Variants in HIBADH observed in about 807,000 individuals in gnomAD.
HIBADH encodes the protein 3-hydroxyisobutyrate dehydrogenase, mitochondrial.
In HIBADH, 25 loss-of-function variants were observed where a neutral mutation model predicts 36.1. That is an observed-to-expected ratio of 0.69 (90% CI 0.50 to 0.97). The LOEUF (loss-of-function observed/expected upper bound fraction) is 0.97, where lower values mean the gene tolerates loss of function less well. Among genes scored for constraint, HIBADH ranks in the 50% least tolerant of loss-of-function variants. The probability of loss-of-function intolerance (pLI) is 0.00; values close to 1 mark genes in which losing one functional copy is unlikely to be tolerated. For synonymous variants in HIBADH, 160 were observed against 149.5 expected (o/e 1.07, Z -0.51); for missense variants, 421 against 418.0 (o/e 1.01, Z -0.06).
At chr7:27,547,676 A>C (rs1223664326) in intron 4 of HIBADH, among the ~76,000 whole-genome samples, 1 of 152,030 alleles carries the variant, frequency 6.6e-6, no homozygotes, top group African/African-American at 2.4e-5. Flanking sequence ...AATGCTGCTC[A>C]CCCTGTTTCT....
intron 2 of HIBADH, among the ~76,000 whole-genome samples, chr7:27,640,899 G>T (rs1785949267): frequency 6.6e-6 from 1 of 151,916 alleles, no homozygotes; most frequent in African/African-American, 2.4e-5. Flanking sequence ...TAATCCTATG[G>T]GACCACCTTT....
At chr7:27,628,270 T>C (rs1049155471) in intron 4 of HIBADH, among the ~76,000 whole-genome samples, 3 of 152,048 alleles carry the variant, frequency 2.0e-5, no homozygotes, top group African/African-American at 7.2e-5. Context: ...TATTCAAAAA[T>C]CATTTGGGAT....
chr7:27,590,820 T>C (rs1401453047), intron 4 of HIBADH, among the ~76,000 whole-genome samples: 1 of 152,232 alleles, frequency 6.6e-6, no homozygotes, highest in Non-Finnish European at 1.5e-5. Flanking sequence ...AGAAAAGCAC[T>C]TTCTTATACC....
At chr7:27,613,674 T>TTC (rs1785375180) in intron 4 of HIBADH, among the ~76,000 whole-genome samples, 1 of 151,468 alleles carries the variant, frequency 6.6e-6, no homozygotes, top group Admixed American at 6.6e-5. Context: ...TGTTTTTTTT[T>TTC]TTTGAGACAG....
chr7:27,643,698 T>C (rs749428549), intron 2 of HIBADH, among the ~76,000 whole-genome samples: 51 of 152,314 alleles, frequency 3.3e-4, no homozygotes, highest in African/African-American at 4.6e-4. Flanking sequence ...AACAGAAATT[T>C]ACTCTCTCAC....
chr7:27,560,097 G>A (rs1414351557), intron 4 of HIBADH, among the ~76,000 whole-genome samples: 2 of 152,138 alleles, frequency 1.3e-5, no homozygotes, highest in African/African-American at 4.8e-5. Context: ...GTAATATGAT[G>A]TTGCCATCAA....
chr7:27,546,594 C>A (rs1380489240), intron 4 of HIBADH, among the ~76,000 whole-genome samples: 1 of 152,040 alleles, frequency 6.6e-6, no homozygotes, highest in Non-Finnish European at 1.5e-5. Flanking sequence ...TGGCACAGGT[C>A]AAGAAGAACT....
chr7:27,577,075 AATT>A (rs78327590), intron 4 of HIBADH, among the ~76,000 whole-genome samples: 14,135 of 152,186 alleles, frequency 0.093, 915 homozygotes, highest in Non-Finnish European at 0.14. Flanking sequence ...TCATCTCTTA[AATT>A]TTTCTTAAAG....
Position 27,662,865 on chromosome 7 carries a change from G to C in HIBADH, c.-77C>G, listed in dbSNP as rs961961753. ...CACAGACTGCGAGCGTGTGCAGCGG[G>C]ACTGGCTGGCTCGCCCACGGAGAAG... is the stretch of plus-strand genomic sequence containing the variant. On this transcript the variant is annotated 5_prime_UTR_variant, in exon 1 of 8. Coordinates refer to ENST00000265395, the MANE Select transcript of HIBADH (RefSeq NM_152740.4). 1.6e-5 allele frequency: 19 copies of C among 1,187,708 alleles called. No individual in the cohort carries two copies. Among genetic ancestry groups the C allele is most frequent in the African/African-American group, 3.2e-5 (2 of 62,400 alleles). The allele number at this position is 1,187,708 out of a possible 1,614,324, so 73.6% of individuals were successfully genotyped here. A position where few individuals can be genotyped will look rare whatever the true frequency, so the allele number is the denominator to read the frequency against.
Position 27,599,449 on chromosome 7 carries a change from G to A in HIBADH, c.484+29922C>T, listed in dbSNP as rs1042326414. On this transcript the variant is annotated intron_variant, in intron 4 of 7. Coordinates refer to ENST00000265395, the MANE Select transcript of HIBADH (RefSeq NM_152740.4). ...TGTAATCCCAGCACTTTGGGAGGCC[G>A]AGGCGGGCTGATCACGAGGTCAGGA... Among the ~76,000 whole-genome samples the A allele has an allele frequency of 8.5e-5, 13 of 152,084 alleles. No individual in the cohort carries two copies. In the South Asian group the frequency reaches 1.0e-3, roughly 12 times the overall value.
At chr7:27,620,773 T>C (rs1785527027) in intron 4 of HIBADH, among the ~76,000 whole-genome samples, 1 of 151,270 alleles carries the variant, frequency 6.6e-6, no homozygotes, top group South Asian at 2.1e-4. Flanking sequence ...AATACAGAAA[T>C]CCACCATGCC....
intron 4 of HIBADH, among the ~76,000 whole-genome samples, chr7:27,619,671 T>C (rs973886223): frequency 6.6e-6 from 1 of 152,006 alleles, no homozygotes; most frequent in South Asian, 2.1e-4. Flanking sequence ...GGAGGAAATA[T>C]AAAATACATT....
intron 1 of HIBADH, among the ~76,000 whole-genome samples, chr7:27,656,272 T>A: frequency 6.6e-6 from 1 of 152,194 alleles, no homozygotes; most frequent in South Asian, 2.1e-4. Flanking sequence ...TATTAAATTC[T>A]GAACAACACA....
chr7:27,583,179 T>G (rs899366243), intron 4 of HIBADH, among the ~76,000 whole-genome samples: 1 of 152,096 alleles, frequency 6.6e-6, no homozygotes, highest in African/African-American at 2.4e-5. Context: ...TATTTTGACT[T>G]CAAGGGAAGC....
At chr7:27,602,392 C>T (rs1019637277) in intron 4 of HIBADH, among the ~76,000 whole-genome samples, 4 of 152,030 alleles carry the variant, frequency 2.6e-5, no homozygotes, top group South Asian at 4.1e-4. Context: ...CTTTCCACTC[C>T]GTTAAGACTA....
intron 4 of HIBADH, among the ~76,000 whole-genome samples, chr7:27,615,428 T>C (rs1785408681): frequency 6.6e-6 from 1 of 152,174 alleles, no homozygotes; most frequent in African/African-American, 2.4e-5. Flanking sequence ...GTAAGGTCCT[T>C]TCTAATAATA....
chr7:27,603,658 AAT>A (rs1304313670), intron 4 of HIBADH, among the ~76,000 whole-genome samples: 1 of 152,176 alleles, frequency 6.6e-6, no homozygotes, highest in African/African-American at 2.4e-5. Context: ...AAAAGAATTA[AAT>A]ATAACATCTT....
At chr7:27,592,179 G>A (rs781316431) in intron 4 of HIBADH, among the ~76,000 whole-genome samples, 10 of 152,150 alleles carry the variant, frequency 6.6e-5, no homozygotes, top group Non-Finnish European at 1.3e-4. Flanking sequence ...TGCCTCAAAT[G>A]TATCAACAGC....
At chr7:27,595,123 CT>C (rs1207855647) in intron 4 of HIBADH, among the ~76,000 whole-genome samples, 1 of 152,048 alleles carries the variant, frequency 6.6e-6, no homozygotes, top group East Asian at 1.9e-4. Context: ...TTCCAAGCTT[CT>C]GTATTTTAAA....
Sources: allele counts gnomAD v4.1 joint callset (sites outside exome capture counted in the v4.1 genomes callset), GRCh38; gene constraint gnomAD v4.1.1; transcripts MANE v1.5; gene names NCBI Gene and HGNC (gene_info 2026-07-23, HGNC 2026-07-21).